The following M1AP variants were observed in gnomAD, a reference collection of about 807,000 sequenced individuals.
M1AP encodes the protein meiosis 1 associated protein.
Under a neutral mutation model 51.2 loss-of-function variants are expected in M1AP, and 39 were observed. That is an observed-to-expected ratio of 0.76 (90% confidence interval 0.59 to 1.00). M1AP has a LOEUF of 1.00. M1AP is among the 50% of genes least tolerant of loss of function. The pLI is 0.00. For missense variants in M1AP, 545 were observed against 641.2 expected, an observed-to-expected ratio of 0.85 and a Z score of 1.62; for synonymous variants, 251 against 249.2, an observed-to-expected ratio of 1.01 and a Z score of -0.07.
chr2:74,581,633 A>G, intron 5 of M1AP, 41 bp downstream of exon 5: 1 of 1,586,794 alleles, frequency 6.3e-7, no homozygotes, highest in East Asian at 2.2e-5. Context: ...GATCCCAGAT[A>G]AGAATAATCA....
At chr2:74,639,925 G>T in intron 2 of M1AP, 111 bp downstream of exon 2, 1 of 927,858 alleles carries the variant, frequency 1.1e-6, no homozygotes, top group Non-Finnish European at 1.7e-6. Flanking sequence ...ACTGTGTGTG[G>T]AGAAGTAGTG....
intron 4 of M1AP, among the ~76,000 whole-genome samples, chr2:74,592,069 C>T (rs185636654): frequency 8.3e-4 from 127 of 152,128 alleles, no homozygotes; most frequent in Middle Eastern, 6.8e-3. Context: ...TCCCAAAGTG[C>T]TGGGATTACA....
chr2:74,643,138 C>T (rs1683406566), intron 1 of M1AP, among the ~76,000 whole-genome samples: 1 of 151,546 alleles, frequency 6.6e-6, no homozygotes, highest in African/African-American at 2.4e-5. Context: ...TTTAAATAAT[C>T]ATATATAACA....
intron 4 of M1AP, among the ~76,000 whole-genome samples, chr2:74,587,724 G>A (rs1679797911): frequency 6.6e-6 from 1 of 152,164 alleles, no homozygotes; most frequent in Admixed American, 6.5e-5. Flanking sequence ...CACACCAATG[G>A]CATGAAATGG....
chr2:74,578,071 T>C (rs1052835705), intron 5 of M1AP, among the ~76,000 whole-genome samples: 2 of 152,196 alleles, frequency 1.3e-5, no homozygotes, highest in Non-Finnish European at 2.9e-5. Flanking sequence ...TCTAATGACA[T>C]AGCCGATCTG....
chr2:74,573,227 T>C (rs1450292421), intron 7 of M1AP, among the ~76,000 whole-genome samples: 1 of 151,980 alleles, frequency 6.6e-6, no homozygotes. Flanking sequence ...TTTATTTTAT[T>C]TTATTTTTAG....
chr2:74,627,060 T>G (rs1395459660), intron 2 of M1AP, among the ~76,000 whole-genome samples: 4 of 152,216 alleles, frequency 2.6e-5, no homozygotes, highest in African/African-American at 9.6e-5. Context: ...CATCTGAGTC[T>G]TCCCAAAAAC....
In M1AP at chr2:74,569,840, T is replaced by C. The variant is rs75008416; in HGVS notation, c.1074+5598A>G. On this transcript the variant is annotated intron_variant, in intron 7 of 10. Transcript: ENST00000421985. ...ATGGCTGAGAGAGGGAGGAAGAGGA[T>C]TGAGAGAGAACAGGGACTGAGGAGG... Among the ~76,000 whole-genome samples, 196 of 151,452 alleles carry C rather than the reference T, an allele frequency of 1.3e-3. 8 individuals carry two copies. In the East Asian group the frequency reaches 0.035, roughly 27 times the overall value.
At chr2:74,596,669 TAC>T (rs1235876367) in intron 4 of M1AP, among the ~76,000 whole-genome samples, 2 of 152,278 alleles carry the variant, frequency 1.3e-5, no homozygotes, top group East Asian at 3.9e-4. Flanking sequence ...AAGATTTGTG[TAC>T]AGACATTCAT....
chr2:74,599,803 T>A (rs1359239187), intron 4 of M1AP, among the ~76,000 whole-genome samples: 2 of 152,000 alleles, frequency 1.3e-5, no homozygotes, highest in East Asian at 1.9e-4. Flanking sequence ...CGAATCAGCT[T>A]GTCAAGTTCA....
chr2:74,558,951 T>C, intron 10 of M1AP, 77 bp from the exon 11 acceptor site: 1 of 1,378,948 alleles, frequency 7.3e-7, no homozygotes, highest in Non-Finnish European at 9.7e-7. Flanking sequence ...TTGGGCTTCC[T>C]GTCCTAACTC....
chr2:74,615,465 G>A (rs1282699770), intron 2 of M1AP: 7 of 293,784 alleles, frequency 2.4e-5, no homozygotes, highest in Non-Finnish European at 3.9e-5. Context: ...ACTTTGGGGT[G>A]ACCTGCAAAC....
At chr2:74,569,978 G>A (rs1031399412) in intron 7 of M1AP, among the ~76,000 whole-genome samples, 60 of 151,698 alleles carry the variant, frequency 4.0e-4, no homozygotes, top group African/African-American at 1.3e-3. Context: ...ATTGAGGAGT[G>A]GGGGAAGAAA....
At chr2:74,567,695 A>G (rs1163521104) in intron 7 of M1AP, among the ~76,000 whole-genome samples, 1 of 152,274 alleles carries the variant, frequency 6.6e-6, no homozygotes, top group Non-Finnish European at 1.5e-5. Flanking sequence ...ACTTTGTTAA[A>G]TTAAAAATAC....
rs539479990 is a variant in M1AP at position 74,640,246 on chromosome 2, C to T, written c.30G>A (p.Gly10=). 3.7e-6 allele frequency: 6 copies of T among 1,613,898 alleles called. No homozygotes were observed. The highest frequency in any genetic ancestry group is 3.3e-5 in the South Asian group (3 of 91,076). Residue 10 remains glycine (G), a synonymous_variant, in exon 2 of 11, where the codon GGG becomes GGA. Coordinates refer to ENST00000421985, the MANE Select transcript of M1AP (RefSeq NM_001321739.2). MHPGRTTGK[G]PSTHTQIDQQ... ...GGTCAATCTGAGTGTGAGTAGAGGG[C>T]CCTTTACCAGTAGTTCGCCCAGGAT...
intron 1 of M1AP, among the ~76,000 whole-genome samples, chr2:74,643,262 T>C (rs1461535461): frequency 6.6e-6 from 1 of 152,146 alleles, no homozygotes; most frequent in Non-Finnish European, 1.5e-5. Flanking sequence ...TTAAAATGGA[T>C]AAATCATAGT....
chr2:74,600,905 G>C lies in M1AP; in HGVS notation c.595+6150C>G, dbSNP rs116573742. Reference sequence around the variant, plus strand: ...ATAGTCTTATATTCTTAATAAATACGAATTATTAGAGCTTGAAATTTTCTC... The same window carrying C: ...ATAGTCTTATATTCTTAATAAATACCAATTATTAGAGCTTGAAATTTTCTC... On this transcript the variant is annotated intron_variant, in intron 4 of 10. Coordinates refer to ENST00000421985, the MANE Select transcript of M1AP (RefSeq NM_001321739.2). Among the ~76,000 whole-genome samples the C allele has an allele frequency of 2.6e-5, 4 of 152,080 alleles. No homozygotes were observed. In the East Asian group the frequency reaches 7.7e-4, roughly 29 times the overall value.
chr2:74,636,575 A>G (rs1683001421), intron 2 of M1AP, among the ~76,000 whole-genome samples: 1 of 152,030 alleles, frequency 6.6e-6, no homozygotes. Context: ...TTTTAAAAAT[A>G]CCCTATTTTG....
At chr2:74,581,618 G>A (rs1391353366) in intron 5 of M1AP, 56 bp downstream of exon 5, 8 of 1,550,706 alleles carry the variant, frequency 5.2e-6, no homozygotes, top group South Asian at 4.7e-5. Flanking sequence ...CCAATCTAGA[G>A]TCCTGATCCC....
Sources: gnomAD v4.1 joint callset for allele counts (sites outside exome capture counted in the v4.1 genomes callset) on GRCh38, gnomAD v4.1.1 for gene constraint, MANE v1.5 for transcripts, NCBI Gene and HGNC (gene_info 2026-07-23, HGNC 2026-07-21) for gene names.